Variants in TUBB8 observed in about 807,000 individuals in gnomAD.
TUBB8 encodes tubulin beta 8 class VIII, also known as tubulin beta-8 chain.
In TUBB8, 25 loss-of-function variants were observed where a neutral mutation model predicts 33.7. The ratio of observed to expected loss-of-function variants is 0.74; its 90% confidence interval spans 0.54 to 1.04. TUBB8 has a LOEUF of 1.04. Among genes scored for constraint, TUBB8 ranks in the 50% least tolerant of loss-of-function variants. The probability of loss-of-function intolerance (pLI) is 0.00; values close to 1 mark genes in which losing one functional copy is unlikely to be tolerated. For synonymous variants in TUBB8, 245 were observed against 240.1 expected, an observed-to-expected ratio of 1.02 and a Z score of -0.19; for missense variants, 279 against 608.0, an observed-to-expected ratio of 0.46 and a Z score of 5.69.
chr10:59,464 C>G (rs1479011052), intron 1 of TUBB8, among the ~76,000 whole-genome samples: 1 of 152,238 alleles, frequency 6.6e-6, no homozygotes, highest in African/African-American at 2.4e-5. Flanking sequence ...GCTGGGATTA[C>G]AGGCGTGAGC....
At chr10:61,776 T>C (rs565332094) in intron 1 of TUBB8, among the ~76,000 whole-genome samples, 2 of 152,356 alleles carry the variant, frequency 1.3e-5, no homozygotes, top group Non-Finnish European at 2.9e-5. Flanking sequence ...CTAGGTGCTT[T>C]AGTGTTGGGT....
chr10:65,585 C>T (rs554396754), intron 1 of TUBB8, among the ~76,000 whole-genome samples: 265 of 152,188 alleles, frequency 1.7e-3, no homozygotes, highest in African/African-American at 6.0e-3. Flanking sequence ...ATTAGCCAGG[C>T]GTGGTGGCGG....
intron 1 of TUBB8, among the ~76,000 whole-genome samples, chr10:55,357 T>TG (rs1232473498): frequency 6.6e-6 from 1 of 152,178 alleles, no homozygotes; most frequent in Non-Finnish European, 1.5e-5. Context: ...GAGATTTGGG[T>TG]GGGGACACAA....
intron 1 of TUBB8, among the ~76,000 whole-genome samples, chr10:70,405 G>A (rs558978278): frequency 2.6e-5 from 4 of 151,890 alleles, no homozygotes; most frequent in East Asian, 3.9e-4. Context: ...TGAGCATTAG[G>A]TATATCTCCT....
At chr10:48,776 G>A (rs1834412565) in intron 2 of TUBB8, 28 bp downstream of exon 2, 1 of 1,608,728 alleles carries the variant, frequency 6.2e-7, no homozygotes, top group South Asian at 1.1e-5. Context: ...TTCCCAGGAG[G>A]GCGGTGGGGG....
At chr10:72,179 C>CG (rs1158387303) in intron 1 of TUBB8, among the ~76,000 whole-genome samples, 1,527 of 135,676 alleles carry the variant, frequency 0.011, no homozygotes, top group Middle Eastern at 0.036. Flanking sequence ...GAGCCAAGAT[C>CG]GGGACATTGC....
chr10:48,888 G>A lies in TUBB8; in HGVS notation c.82C>T (p.His28Tyr), dbSNP rs782303131. Residue 28 changes from histidine (H) to tyrosine (Y), a missense_variant, in exon 2 of 4, where the codon CAT becomes TAT. Around this residue, in one of 4 missense-constraint regions of TUBB8, gnomAD observed 56 missense variants for 77.9 expected, o/e 0.72. Transcript: ENST00000568584. ...AKFWEVISDE[H>Y]AIDSAGTYHG... is the part of the protein sequence containing the mutation. ...TAGGTGCCAGCGGAGTCGATGGCATGTTCATCAGAGATCACCTCCCAGAAC... is the reference window on the plus strand; with the variant it reads ...TAGGTGCCAGCGGAGTCGATGGCATATTCATCAGAGATCACCTCCCAGAAC... 13 of 1,555,828 alleles carry A rather than the reference G, an allele frequency of 8.4e-6. 1 individual carries two copies. In the East Asian group the frequency reaches 1.9e-4, roughly 23 times the overall value.
At chr10:69,010 C>A (rs553315063) in intron 1 of TUBB8, among the ~76,000 whole-genome samples, 6 of 152,352 alleles carry the variant, frequency 3.9e-5, no homozygotes, top group African/African-American at 1.4e-4. Flanking sequence ...CACCTCAGCC[C>A]AATGCTTGCT....
At chr10:62,434 C>T (rs1407233344) in intron 1 of TUBB8, among the ~76,000 whole-genome samples, 9 of 152,226 alleles carry the variant, frequency 5.9e-5, no homozygotes, top group Non-Finnish European at 8.8e-5. Context: ...TGTTGTTTCT[C>T]TTCCTTCCCT....
At chr10:70,094 G>GTT (rs1554742111) in intron 1 of TUBB8, among the ~76,000 whole-genome samples, 22 of 152,278 alleles carry the variant, frequency 1.4e-4, no homozygotes, top group Middle Eastern at 6.8e-3. Flanking sequence ...AGAAACTCTG[G>GTT]TCAGTAACAA....
At chr10:71,711 G>A (rs1280596408) in intron 1 of TUBB8, among the ~76,000 whole-genome samples, 1 of 151,950 alleles carries the variant, frequency 6.6e-6, no homozygotes, top group Non-Finnish European at 1.5e-5. Context: ...AGGATCACTT[G>A]AGCCCAGGAG....
At chr10:57,668 G>A (rs146755239) in intron 1 of TUBB8, among the ~76,000 whole-genome samples, 10 of 148,492 alleles carry the variant, frequency 6.7e-5, no homozygotes, top group African/African-American at 9.9e-5. Context: ...CATGTTCTAA[G>A]GCTACCCAAG....
chr10:71,604 A>C (rs1269774679), intron 1 of TUBB8, among the ~76,000 whole-genome samples: 1 of 149,108 alleles, frequency 6.7e-6, no homozygotes, highest in Admixed American at 6.6e-5. Context: ...CTGAGAAGAA[A>C]AAGTGAAAAT....
At chr10:68,274 C>CCA (rs2130950033) in intron 1 of TUBB8, among the ~76,000 whole-genome samples, 1 of 152,234 alleles carries the variant, frequency 6.6e-6, no homozygotes, top group East Asian at 1.9e-4. Context: ...CATATGACAC[C>CCA]CATAATACTG....
In TUBB8 at chr10:47,165, G is replaced by A. The variant is rs781885683; in HGVS notation, c.1227C>T (p.Thr409=). Residue 409 remains threonine, a synonymous_variant, in exon 4 of 4, where the codon ACC becomes ACT. Coordinates refer to ENST00000568584, the MANE Select transcript of TUBB8 (RefSeq NM_177987.3). ...TGEGMDEMEF[T]EAESNMNDLV... is the part of the protein sequence containing the mutation. ...GGTCGTTCATGTTGCTCTCGGCCTC[G>A]GTGAATTCCATCTCATCCATGCCCT... The A allele has an allele frequency of 1.9e-5, 31 of 1,601,672 alleles. No homozygotes were observed. The highest frequency in any genetic ancestry group is 2.2e-5 in the East Asian group (1 of 44,746).
At chr10:50,371 G>A (rs546519016), upstream of TUBB8, 71 of 152,332 alleles carry the variant, frequency 4.7e-4, no homozygotes, top group African/African-American at 1.7e-3. Context: ...GAGGGGCCCT[G>A]GACTGAAATG....
chr10:67,855 A>G (rs1307935491), intron 1 of TUBB8, among the ~76,000 whole-genome samples: 1 of 152,204 alleles, frequency 6.6e-6, no homozygotes, highest in Non-Finnish European at 1.5e-5. Context: ...CTTCAGCATG[A>G]ATCTCCTGGG....
intron 1 of TUBB8, among the ~76,000 whole-genome samples, chr10:68,169 C>T (rs1267706493): frequency 6.6e-6 from 1 of 152,142 alleles, no homozygotes; most frequent in African/African-American, 2.4e-5. Context: ...TAACATATCA[C>T]GGCATATCGT....
At chr10:49,406 A>C, upstream of TUBB8, 1 of 734,486 alleles carries the variant, frequency 1.4e-6, no homozygotes, top group Non-Finnish European at 2.5e-6. Context: ...AGGTGCACCC[A>C]CCTGTGGATC....
Sources: gnomAD v4.1 joint callset for allele counts (sites outside exome capture counted in the v4.1 genomes callset) on GRCh38, gnomAD v4.1.1 for gene constraint, gnomAD v4.1.1 regional missense constraint, MANE v1.5 for transcripts, NCBI Gene and HGNC (gene_info 2026-07-23, HGNC 2026-07-21) for gene names.